Variants in ANGPT1 observed in about 807,000 individuals in gnomAD.
ANGPT1 encodes angiopoietin 1.
In ANGPT1, 17 loss-of-function variants were observed where a neutral mutation model predicts 62.2. The observed-to-expected ratio is 0.27, with a 90% CI of 0.19 to 0.41. ANGPT1 has a LOEUF of 0.41. Among genes scored for constraint, ANGPT1 ranks in the 10% least tolerant of loss-of-function variants. The pLI, the probability that ANGPT1 is intolerant of heterozygous loss-of-function variation, is 1.00. For missense variants in ANGPT1, 478 were observed against 594.9 expected, an observed-to-expected ratio of 0.80 and a Z score of 2.04; for synonymous variants, 199 against 198.9, an observed-to-expected ratio of 1.00 and a Z score of 0.00.
intron 7 of ANGPT1, chr8:107,283,850 C>T (rs1363187983): frequency 6.6e-6 from 1 of 152,160 alleles, no homozygotes; most frequent in African/African-American, 2.4e-5. Flanking sequence ...AATATCTTCC[C>T]TGTTCCCAAG....
chr8:107,484,059 G>T (rs1195116340), intron 1 of ANGPT1, among the ~76,000 whole-genome samples: 1 of 152,140 alleles, frequency 6.6e-6, no homozygotes, highest in Non-Finnish European at 1.5e-5. Context: ...TGGTTATTTA[G>T]TATGGATAGA....
At chr8:107,482,720 T>C (rs979659831) in intron 1 of ANGPT1, among the ~76,000 whole-genome samples, 1 of 152,212 alleles carries the variant, frequency 6.6e-6, no homozygotes, top group Non-Finnish European at 1.5e-5. Context: ...AAGAAATAAC[T>C]GTATGTCTTT....
intron 5 of ANGPT1, chr8:107,295,291 G>A (rs1466649733): frequency 6.6e-6 from 1 of 152,078 alleles, no homozygotes; most frequent in African/African-American, 2.4e-5. Context: ...CTCCAAGATT[G>A]TACATTTGAA....
intron 1 of ANGPT1, among the ~76,000 whole-genome samples, chr8:107,468,874 C>T (rs2130493025): frequency 6.6e-6 from 1 of 152,054 alleles, no homozygotes; most frequent in East Asian, 1.9e-4. Flanking sequence ...CTCCCCTGTT[C>T]TTGTTAATTG....
chr8:107,268,406 TTGTGTGTGTGTGTG>T (rs10655133), intron 7 of ANGPT1, among the ~76,000 whole-genome samples: 5 of 144,558 alleles, frequency 3.5e-5, no homozygotes, highest in Non-Finnish European at 7.7e-5. Flanking sequence ...ACATGTAGGG[TTGTGTGTGTGTGTG>T]TGTGTGTGTG....
chr8:107,417,535 A>T (rs1657630737), intron 1 of ANGPT1, among the ~76,000 whole-genome samples: 1 of 151,566 alleles, frequency 6.6e-6, no homozygotes, highest in Admixed American at 6.6e-5. Flanking sequence ...CTGCAGAGCC[A>T]TTTTTTTTCA....
At chr8:107,302,287 G>A (rs373212377) in intron 5 of ANGPT1, among the ~76,000 whole-genome samples, 1 of 151,862 alleles carries the variant, frequency 6.6e-6, no homozygotes, top group Non-Finnish European at 1.5e-5. Context: ...TTAGGTGGGG[G>A]CATGAGGGGA....
intron 1 of ANGPT1, among the ~76,000 whole-genome samples, chr8:107,496,252 AG>A (rs1255307695): frequency 6.6e-6 from 1 of 152,238 alleles, no homozygotes; most frequent in Non-Finnish European, 1.5e-5. Context: ...TAGCATAGTC[AG>A]TTGAATATAC....
Position 107,249,517 on chromosome 8 carries a change from A to C in ANGPT1, c.*2338T>G, listed in dbSNP as rs571115767. ...ATTACTTTCAATTTTATTTAAATCAAATAATGTTGTGATGATATGAAGAAC... is the reference window on the plus strand; with the variant it reads ...ATTACTTTCAATTTTATTTAAATCACATAATGTTGTGATGATATGAAGAAC... On this transcript the variant is annotated 3_prime_UTR_variant, in exon 9 of 9. Coordinates refer to ENST00000517746, the MANE Select transcript of ANGPT1 (RefSeq NM_001146.5). 3 of 152,326 alleles carry C rather than the reference A, an allele frequency of 2.0e-5. No individual in the cohort carries two copies. Among genetic ancestry groups the C allele is most frequent in the Admixed American group, 2.0e-4 (3 of 15,294 alleles). 9.4% of individuals were successfully genotyped at this position (152,326 alleles called of 1,614,324 possible). A position where few individuals can be genotyped will look rare whatever the true frequency, so the allele number is the denominator to read the frequency against.
At chr8:107,405,996 T>C (rs2130343538) in intron 1 of ANGPT1, among the ~76,000 whole-genome samples, 1 of 152,098 alleles carries the variant, frequency 6.6e-6, no homozygotes, top group African/African-American at 2.4e-5. Context: ...TTTAAATAAT[T>C]TCTACTCTCA....
chr8:107,320,459 C>A (rs554463396), intron 4 of ANGPT1, among the ~76,000 whole-genome samples: 1 of 152,158 alleles, frequency 6.6e-6, no homozygotes, highest in South Asian at 2.1e-4. Context: ...TCAATCTTTC[C>A]CAAAATGTAT....
At chr8:107,370,372 G>GAAAAAAAGAAAGAAAGAAAA (rs1303734207) in intron 1 of ANGPT1, among the ~76,000 whole-genome samples, 1 of 34,996 alleles carries the variant, frequency 2.9e-5, no homozygotes, top group African/African-American at 5.1e-5. Context: ...AAGAAAGAAA[G>GAAAAAAAGAAAGAAAGAAAA]AAAGAAAGAA....
Position 107,299,420 on chromosome 8 carries a change from T to TATATATATATAA in ANGPT1, c.936+3819_936+3820insTTATATATATAT, listed in dbSNP as rs1342219214. Among the ~76,000 whole-genome samples, 376 of 120,358 alleles carry TATATATATATAA rather than the reference T, an allele frequency of 3.1e-3. 2 individuals are homozygous for TATATATATATAA. Among genetic ancestry groups the TATATATATATAA allele is most frequent in the Admixed American group, 4.0e-3 (45 of 11,378 alleles). 79.0% of individuals were successfully genotyped at this position (120,358 alleles called of 152,430 possible). ...ATATATATATATATATATATATATATAAACATACATATATATACTAAGCAT... is the reference window on the plus strand; with the variant it reads ...ATATATATATATATATATATATATATATATATATATAAAAACATACATATATATACTAAGCAT... On this transcript the variant is annotated intron_variant, in intron 5 of 8. Coordinates refer to ENST00000517746, the MANE Select transcript of ANGPT1 (RefSeq NM_001146.5).
intron 3 of ANGPT1, among the ~76,000 whole-genome samples, chr8:107,329,506 T>C (rs189139668): frequency 6.6e-6 from 1 of 152,210 alleles, no homozygotes; most frequent in African/African-American, 2.4e-5. Flanking sequence ...TAACATTGAG[T>C]GCCATGCAAT....
chr8:107,334,483 T>C (rs191903868), intron 3 of ANGPT1, among the ~76,000 whole-genome samples: 251 of 152,196 alleles, frequency 1.6e-3, no homozygotes, highest in African/African-American at 5.9e-3. Context: ...TGCAGCAAAA[T>C]ATGCAGCTCT....
At chr8:107,442,993 C>A (rs1298329272) in intron 1 of ANGPT1, among the ~76,000 whole-genome samples, 1 of 152,194 alleles carries the variant, frequency 6.6e-6, no homozygotes, top group Non-Finnish European at 1.5e-5. Context: ...ATGCCCAGCC[C>A]AGTCTTTCTT....
chr8:107,351,470 T>C (rs372040472), intron 1 of ANGPT1, among the ~76,000 whole-genome samples: 12 of 152,060 alleles, frequency 7.9e-5, no homozygotes, highest in African/African-American at 2.9e-4. Flanking sequence ...TTGCGGGAAG[T>C]GTTCTGTTAT....
chr8:107,293,197 GTGATGATGATGATGA>G (rs5893837), intron 6 of ANGPT1, among the ~76,000 whole-genome samples: 24 of 148,662 alleles, frequency 1.6e-4, no homozygotes, highest in South Asian at 4.3e-4. Context: ...GAGAAGAACT[GTGATGATGATGATGA>G]TGATGATGAT....
intron 1 of ANGPT1, among the ~76,000 whole-genome samples, chr8:107,397,903 G>A (rs889592143): frequency 1.3e-5 from 2 of 152,026 alleles, no homozygotes; most frequent in African/African-American, 2.4e-5. Flanking sequence ...AAACCTACTT[G>A]TTCATACACG....
Sources: gnomAD v4.1 joint callset for allele counts (sites outside exome capture counted in the v4.1 genomes callset) on GRCh38, gnomAD v4.1.1 for gene constraint, MANE v1.5 for transcripts, NCBI Gene and HGNC (gene_info 2026-07-23, HGNC 2026-07-21) for gene names.